The following GMPR variants were observed in gnomAD, a reference collection of about 807,000 sequenced individuals.
GMPR encodes GMP reductase 1.
A neutral mutation model predicts 38.4 loss-of-function variants in GMPR; 31 were observed. The observed-to-expected ratio is 0.81, with a 90% confidence interval of 0.61 to 1.09. The LOEUF (loss-of-function observed/expected upper bound fraction) is 1.09. Among genes scored for constraint, GMPR ranks in the 50% least tolerant of loss-of-function variants. The pLI, the probability that GMPR is intolerant of heterozygous loss-of-function variation, is 0.00. For missense variants in GMPR, 468 were observed against 453.7 expected (o/e 1.03, Z -0.29); for synonymous variants, 162 against 173.3 (o/e 0.93, Z 0.51).
chr6:16,266,826 C>T (rs749204991), intron 4 of GMPR, among the ~76,000 whole-genome samples: 2 of 151,842 alleles, frequency 1.3e-5, no homozygotes, highest in Non-Finnish European at 2.9e-5. Flanking sequence ...GTAACACTCA[C>T]TGTGAAGGTC....
chr6:16,256,966 TC>T, intron 4 of GMPR, among the ~76,000 whole-genome samples: 1 of 152,160 alleles, frequency 6.6e-6, no homozygotes. Context: ...GGCTCTTAAA[TC>T]CCTTGGGATT....
chr6:16,243,715 A>G (rs1354575130), intron 1 of GMPR, among the ~76,000 whole-genome samples: 1 of 152,168 alleles, frequency 6.6e-6, no homozygotes, highest in Non-Finnish European at 1.5e-5. Context: ...TCTGCCCCCC[A>G]AATTGCATCC....
intron 4 of GMPR, among the ~76,000 whole-genome samples, chr6:16,269,574 T>C (rs956635226): frequency 1.3e-5 from 2 of 152,126 alleles, no homozygotes; most frequent in African/African-American, 4.8e-5. Context: ...GACAGGCAGA[T>C]TGCGTGAGCC....
At chr6:16,292,070 G>A (rs77648185) in intron 8 of GMPR, among the ~76,000 whole-genome samples, 11 of 152,268 alleles carry the variant, frequency 7.2e-5, no homozygotes, top group Non-Finnish European at 1.3e-4. Context: ...CCTGTGAATC[G>A]GCTGGTTGCC....
In GMPR at chr6:16,242,669, G is replaced by A. The variant is rs566957070; in HGVS notation, c.87+3889G>A. On this transcript the variant is annotated intron_variant, in intron 1 of 8. Coordinates refer to ENST00000259727, the MANE Select transcript of GMPR (RefSeq NM_006877.4). ...TTTATTTTTTTTGAGAAGGAGTTTC[G>A]CTCTTGTTGCCCAGGCTGGAGTACA... Among the ~76,000 whole-genome samples the A allele has an allele frequency of 4.6e-5, 7 of 151,780 alleles. 1 individual carries two copies. The highest frequency in any genetic ancestry group is 6.8e-3 in the Middle Eastern group (2 of 294).
intron 1 of GMPR, among the ~76,000 whole-genome samples, chr6:16,241,718 T>G (rs1007469182): frequency 2.0e-4 from 31 of 152,202 alleles, no homozygotes; most frequent in Non-Finnish European, 3.8e-4. Context: ...TCTACTCTAG[T>G]CCTTAAGCTA....
chr6:16,245,302 A>T (rs901696879), intron 1 of GMPR, among the ~76,000 whole-genome samples: 1 of 152,186 alleles, frequency 6.6e-6, no homozygotes, highest in Non-Finnish European at 1.5e-5. Flanking sequence ...TTATGACATC[A>T]TTCACCCAGG....
At chr6:16,267,617 A>G (rs575894015) in intron 4 of GMPR, among the ~76,000 whole-genome samples, 136 of 152,304 alleles carry the variant, frequency 8.9e-4, no homozygotes, top group Admixed American at 1.9e-3. Flanking sequence ...CCATCTTTTA[A>G]GAATTGTAAC....
intron 8 of GMPR, 70 bp from the exon 9 acceptor site, chr6:16,294,936 A>G: frequency 8.1e-7 from 1 of 1,232,218 alleles, no homozygotes. Flanking sequence ...TGGAGCTGGG[A>G]GTAATTCTAA....
At position 16,289,360 on chromosome 6, in the gene GMPR, C is replaced by T. The variant is rs139888308; in HGVS notation, c.698-1102C>T. ...TAATAGGCAATGAAGAATCCCACTG[C>T]ACAGTGATCCATGAACAAAATGGGG... On this transcript the variant is annotated intron_variant, in intron 7 of 8. Transcript: ENST00000259727. 2.8e-3 allele frequency among the ~76,000 whole-genome samples: 431 copies of T among 152,316 alleles called. 2 individuals carry two copies. The highest frequency in any genetic ancestry group is 0.01 in the African/African-American group (416 of 41,560).
intron 8 of GMPR, among the ~76,000 whole-genome samples, chr6:16,293,973 T>C (rs1759886003): frequency 6.6e-6 from 1 of 152,194 alleles, no homozygotes; most frequent in African/African-American, 2.4e-5. Context: ...TATACACATA[T>C]TCTGGTAATA....
At chr6:16,250,680 C>T (rs1758855381) in intron 3 of GMPR, among the ~76,000 whole-genome samples, 1 of 152,116 alleles carries the variant, frequency 6.6e-6, no homozygotes, top group African/African-American at 2.4e-5. Context: ...GTAGAAAAAA[C>T]TTCTGAGTAT....
chr6:16,268,985 G>A (rs575440641), intron 4 of GMPR, among the ~76,000 whole-genome samples: 63 of 149,460 alleles, frequency 4.2e-4, no homozygotes, highest in African/African-American at 1.2e-3. Context: ...GTCCCTTCAC[G>A]AAAAAAATAA....
At chr6:16,261,794 A>G (rs906798045) in intron 4 of GMPR, among the ~76,000 whole-genome samples, 1 of 151,934 alleles carries the variant, frequency 6.6e-6, no homozygotes, top group African/African-American at 2.4e-5. Context: ...GGGGTGCATG[A>G]TCGGTCACCA....
intron 2 of GMPR, 85 bp from the exon 3 acceptor site, chr6:16,250,199 C>T (rs1758842331): frequency 1.3e-6 from 1 of 799,220 alleles, no homozygotes; most frequent in Non-Finnish European, 2.3e-6. Context: ...ATGCCTTTGT[C>T]TTGTTGGATC....
chr6:16,248,388 G>T (rs931493031), intron 2 of GMPR, among the ~76,000 whole-genome samples: 1 of 151,174 alleles, frequency 6.6e-6, no homozygotes, highest in Non-Finnish European at 1.5e-5. Context: ...TATGGGTGAG[G>T]TGCAGAGCGT....
chr6:16,275,468 T>G (rs777306515), intron 5 of GMPR, among the ~76,000 whole-genome samples: 1 of 152,172 alleles, frequency 6.6e-6, no homozygotes. Flanking sequence ...CCCTGTAGAT[T>G]CGTAAAAATA....
intron 4 of GMPR, among the ~76,000 whole-genome samples, chr6:16,266,158 CCA>C (rs1759213248): frequency 8.1e-6 from 1 of 123,798 alleles, no homozygotes; most frequent in Non-Finnish European, 1.6e-5. Flanking sequence ...GTAACACTTG[CCA>C]TCTTTAAGAG....
intron 3 of GMPR, among the ~76,000 whole-genome samples, chr6:16,251,871 A>AT (rs1376413137): frequency 3.9e-5 from 6 of 152,178 alleles, no homozygotes; most frequent in Non-Finnish European, 7.3e-5. Flanking sequence ...AAAAAACAAC[A>AT]GAAAGCCTTG....
Sources: gnomAD v4.1 joint callset for allele counts (sites outside exome capture counted in the v4.1 genomes callset) on GRCh38, gnomAD v4.1.1 for gene constraint, MANE v1.5 for transcripts, NCBI Gene and HGNC (gene_info 2026-07-23, HGNC 2026-07-21) for gene names.